Variants in APH1B observed in about 807,000 individuals in gnomAD.
The protein encoded by APH1B is gamma-secretase subunit APH-1B.
APH1B carries 27 observed loss-of-function variants against 28.2 expected under a neutral mutation model. The ratio of observed to expected loss-of-function variants is 0.96; its 90% CI spans 0.70 to 1.32. APH1B has a LOEUF of 1.32. APH1B is among the 40% of genes most tolerant of loss of function. The pLI, the probability that APH1B is intolerant of heterozygous loss-of-function variation, is 0.00. For synonymous variants in APH1B, 141 were observed against 124.6 expected (o/e 1.13, Z -0.88); for missense variants, 305 against 313.6 (o/e 0.97, Z 0.21).
chr15:63,305,383 G>A (rs931512433), intron 5 of APH1B, among the ~76,000 whole-genome samples: 1 of 152,152 alleles, frequency 6.6e-6, no homozygotes, highest in Non-Finnish European at 1.5e-5. Context: ...TCTGCCTAAT[G>A]ACTGCCTTCT....
At chr15:63,277,941 T>G (rs1048987626) in intron 1 of APH1B, 5 of 581,648 alleles carry the variant, frequency 8.6e-6, no homozygotes, top group Non-Finnish European at 1.5e-5. Flanking sequence ...TCAGGGCCTT[T>G]TGCCTGGGGC....
rs1156441307 is a variant in APH1B at position 63,307,734 on chromosome 15, G to A, written c.*1953G>A. The A allele has an allele frequency of 6.6e-6, 1 of 152,202 alleles. No homozygotes were observed. Among genetic ancestry groups the A allele is most frequent in the Non-Finnish European group, 1.5e-5 (1 of 68,046 alleles). 9.4% of individuals were successfully genotyped at this position (152,202 alleles called of 1,614,324 possible). ...AATATTTGCTGCTCTGTAGAGTGTG[G>A]AAAGTCTGAGAATATTAGCTTTACT... On this transcript the variant is annotated 3_prime_UTR_variant, in exon 6 of 6. Coordinates refer to ENST00000261879, the MANE Select transcript of APH1B (RefSeq NM_031301.4).
intron 5 of APH1B, among the ~76,000 whole-genome samples, chr15:63,303,892 C>CACACAA (rs1168216947): frequency 6.6e-6 from 1 of 151,318 alleles, no homozygotes; most frequent in Non-Finnish European, 1.5e-5. Context: ...CACACACACA[C>CACACAA]ACACACACAC....
At chr15:63,286,420 T>C (rs2038445948) in intron 2 of APH1B, 138 bp from the exon 3 acceptor site, 1 of 650,600 alleles carries the variant, frequency 1.5e-6, no homozygotes, top group African/African-American at 1.9e-5. Flanking sequence ...TTTAAATAAA[T>C]TACAGATTTA....
intron 5 of APH1B, among the ~76,000 whole-genome samples, chr15:63,303,905 A>ACACACACT (rs1463110480): frequency 1.4e-5 from 2 of 146,294 alleles, no homozygotes; most frequent in East Asian, 4.1e-4. Context: ...ACACACACAC[A>ACACACACT]CACTTCTTTT....
intron 4 of APH1B, among the ~76,000 whole-genome samples, chr15:63,296,691 T>C (rs2038571809): frequency 6.7e-6 from 1 of 148,856 alleles, no homozygotes; most frequent in African/African-American, 2.5e-5. Flanking sequence ...GGAGTCTTGC[T>C]CTGTCGCCCA....
intron 4 of APH1B, among the ~76,000 whole-genome samples, chr15:63,297,030 G>A (rs1001092209): frequency 7.2e-5 from 11 of 152,178 alleles, no homozygotes; most frequent in Non-Finnish European, 1.5e-4. Flanking sequence ...TGACTTAGAA[G>A]TTTATTAGAA....
At position 63,283,184 on chromosome 15, in the gene APH1B, A is replaced by G. The variant is rs115053475; in HGVS notation, c.285-3374A>G. 7.2e-3 allele frequency among the ~76,000 whole-genome samples: 1,098 copies of G among 152,212 alleles called. 16 individuals carry two copies. Among genetic ancestry groups the G allele is most frequent in the African/African-American group, 0.025 (1,045 of 41,504 alleles). On this transcript the variant is annotated intron_variant, in intron 2 of 5. Transcript: ENST00000261879. Reference sequence around the variant, plus strand: ...TTAAACTTTTTAGTTTATTTATTTAATATATTTGTGATAGTAGTACTTTGT... The same window carrying G: ...TTAAACTTTTTAGTTTATTTATTTAGTATATTTGTGATAGTAGTACTTTGT...
intron 2 of APH1B, among the ~76,000 whole-genome samples, chr15:63,283,267 C>T (rs2038409187): frequency 6.6e-6 from 1 of 152,222 alleles, no homozygotes; most frequent in Admixed American, 6.5e-5. Context: ...CTCGCTCTGT[C>T]ACCCAGGCTA....
rs1213833229 is a variant in APH1B, at chr15:63,307,598, A to G, written c.*1817A>G. On this transcript the variant is annotated 3_prime_UTR_variant, in exon 6 of 6. Transcript: ENST00000261879. Reference sequence around the variant, plus strand: ...ATTGTACAACATCAAGGGGAATAGGATACTCATCAAACTGGGATTATTCTT... The same window carrying G: ...ATTGTACAACATCAAGGGGAATAGGGTACTCATCAAACTGGGATTATTCTT... 3.9e-5 allele frequency: 6 copies of G among 152,210 alleles called. No individual in the cohort carries two copies. Among genetic ancestry groups the G allele is most frequent in the Non-Finnish European group, 8.8e-5 (6 of 68,042 alleles). 9.4% of individuals were successfully genotyped at this position (152,210 alleles called of 1,614,324 possible).
Position 63,307,450 on chromosome 15 carries a change from C to T in APH1B, c.*1669C>T, listed in dbSNP as rs1171221823. 1 of 152,172 alleles carries T rather than the reference C, an allele frequency of 6.6e-6. No homozygotes were observed. The highest frequency in any genetic ancestry group is 2.4e-5 in the African/African-American group (1 of 41,442). The allele number at this position is 152,172 out of a possible 1,614,324, so 9.4% of individuals were successfully genotyped here. ...AGTCTGATAAGCGACTGTGGTTATTCCCCTAAAGTTTACTTCAGCACTAAC... is the reference window on the plus strand; with the variant it reads ...AGTCTGATAAGCGACTGTGGTTATTTCCCTAAAGTTTACTTCAGCACTAAC... On this transcript the variant is annotated 3_prime_UTR_variant, in exon 6 of 6. Coordinates refer to ENST00000261879, the MANE Select transcript of APH1B (RefSeq NM_031301.4).
chr15:63,279,031 C>T (rs1281512857), intron 1 of APH1B, 130 bp from the exon 2 acceptor site: 8 of 743,390 alleles, frequency 1.1e-5, no homozygotes, highest in Non-Finnish European at 1.6e-5. Flanking sequence ...TTTATGAGGA[C>T]TTTCTTTTCC....
rs2038712814 is a variant in APH1B at position 63,308,750 on chromosome 15, C to T, written c.*2969C>T. On this transcript the variant is annotated 3_prime_UTR_variant, in exon 6 of 6. Transcript: ENST00000261879. ...GCAGCCTGTGACGGGCACCAGCGGC[C>T]TGATTCCAGGGAAGAGTTCCTGGAG... is the stretch of plus-strand genomic sequence containing the variant. 6.6e-6 allele frequency: 1 copy of T among 152,276 alleles called. No homozygotes were observed. The highest frequency in any genetic ancestry group is 6.5e-5 in the Admixed American group (1 of 15,292). The allele number at this position is 152,276 out of a possible 1,614,324, so 9.4% of individuals were successfully genotyped here. A position where few individuals can be genotyped will look rare whatever the true frequency, so the allele number is the denominator to read the frequency against.
intron 4 of APH1B, among the ~76,000 whole-genome samples, chr15:63,296,658 CTTT>C (rs753821606): frequency 5.1e-5 from 7 of 137,412 alleles, no homozygotes; most frequent in South Asian, 2.3e-4. Context: ...AATGTTGTTT[CTTT>C]TTTTTTTTTT....
At chr15:63,301,612 T>C (rs187741763) in intron 4 of APH1B, among the ~76,000 whole-genome samples, 1 of 151,878 alleles carries the variant, frequency 6.6e-6, no homozygotes, top group Non-Finnish European at 1.5e-5. Context: ...TTTTTTTTTT[T>C]GCTCTGTTGC....
In APH1B at chr15:63,287,499, G is replaced by A; in HGVS notation, c.431G>A (p.Gly144Asp). The A allele has an allele frequency of 6.2e-7, 1 of 1,613,900 alleles. No individual in the cohort carries two copies. ...ACCCTATCTGACTCCTTGGGGCCAG[G>A]CACAGTGGGCATTCATGGAGATTCT... ...VNTLSDSLGPGTVGIHGDSPQ... is the reference protein window; with the variant it reads ...VNTLSDSLGPDTVGIHGDSPQ... The change falls in exon 4 of 6, where the codon GGC becomes GAC. Residue 144 changes from glycine to aspartate, a missense_variant. By Grantham distance (94) the Gly-to-Asp change is moderately conservative. Coordinates refer to ENST00000261879, the MANE Select transcript of APH1B (RefSeq NM_031301.4).
At chr15:63,278,532 T>A (rs2038350818) in intron 1 of APH1B, among the ~76,000 whole-genome samples, 1 of 152,230 alleles carries the variant, frequency 6.6e-6, no homozygotes, top group African/African-American at 2.4e-5. Flanking sequence ...CATGTCATTT[T>A]AAAAATAATA....
intron 4 of APH1B, among the ~76,000 whole-genome samples, chr15:63,289,794 G>A (rs1326195218): frequency 6.6e-6 from 1 of 152,196 alleles, no homozygotes; most frequent in African/African-American, 2.4e-5. Flanking sequence ...CTTGAGCTCA[G>A]GAGTTTGAGA....
intron 4 of APH1B, among the ~76,000 whole-genome samples, chr15:63,290,684 C>T (rs776592751): frequency 1.2e-4 from 19 of 152,178 alleles, no homozygotes; most frequent in Non-Finnish European, 2.8e-4. Context: ...TTATCACAGG[C>T]GTCATTAAGT....
Sources: allele counts gnomAD v4.1 joint callset (sites outside exome capture counted in the v4.1 genomes callset), GRCh38; gene constraint gnomAD v4.1.1; transcripts MANE v1.5; gene names NCBI Gene and HGNC (gene_info 2026-07-23, HGNC 2026-07-21).